The following PIK3C2G variants were observed in gnomAD, a reference collection of about 807,000 sequenced individuals.
The protein encoded by PIK3C2G is phosphatidylinositol 3-kinase C2 domain-containing subunit gamma.
Under a neutral mutation model 181.1 loss-of-function variants are expected in PIK3C2G, and 168 were observed. The observed-to-expected ratio is 0.93, with a 90% CI of 0.82 to 1.05. The LOEUF (loss-of-function observed/expected upper bound fraction) is 1.05. Ranked by LOEUF, PIK3C2G falls within the 50% of genes least tolerant of loss-of-function variation. PIK3C2G has a pLI of 0.00. For missense variants in PIK3C2G, 1,869 were observed against 1,732.8 expected (o/e 1.08, Z -1.40); for synonymous variants, 573 against 592.2 (o/e 0.97, Z 0.47).
At chr12:18,503,590 G>C (rs781172965) in intron 23 of PIK3C2G, among the ~76,000 whole-genome samples, 173 bp downstream of exon 23, 74 of 152,070 alleles carry the variant, frequency 4.9e-4, no homozygotes, top group Non-Finnish European at 5.1e-4. Flanking sequence ...CTACATAAAA[G>C]TTTCTGCATT....
intron 29 of PIK3C2G, among the ~76,000 whole-genome samples, chr12:18,567,938 T>C (rs1056332082): frequency 2.6e-5 from 4 of 152,224 alleles, no homozygotes; most frequent in African/African-American, 7.2e-5. Context: ...AGAGGCTGCT[T>C]GTGTTCCTTG....
intron 11 of PIK3C2G, among the ~76,000 whole-genome samples, chr12:18,358,073 C>T (rs1406497343): frequency 6.6e-6 from 1 of 152,194 alleles, no homozygotes; most frequent in Non-Finnish European, 1.5e-5. Flanking sequence ...GTTCAGATAG[C>T]TCTTCAAGAT....
At chr12:18,334,793 C>T (rs1389971739) in intron 8 of PIK3C2G, among the ~76,000 whole-genome samples, 1 of 152,048 alleles carries the variant, frequency 6.6e-6, no homozygotes, top group Admixed American at 6.6e-5. Flanking sequence ...AATCAGCCAT[C>T]ATAGGGTTTG....
chr12:18,379,276 A>G (rs543853095), intron 13 of PIK3C2G, among the ~76,000 whole-genome samples: 17 of 149,538 alleles, frequency 1.1e-4, no homozygotes, highest in Non-Finnish European at 2.2e-4. Context: ...AAAAAACCAA[A>G]CACCACATGT....
At chr12:18,442,116 T>C (rs11044116) in intron 18 of PIK3C2G, among the ~76,000 whole-genome samples, 38,788 of 152,032 alleles carry the variant, frequency 0.26, 5,422 homozygotes, top group Admixed American at 0.36. Flanking sequence ...TATAGGAATA[T>C]GCAATTAGAA....
In PIK3C2G at chr12:18,362,005, A is replaced by T. The variant is rs144348420; in HGVS notation, c.1626-759A>T. Among the ~76,000 whole-genome samples the T allele has an allele frequency of 3.0e-3, 455 of 152,092 alleles. 2 individuals are homozygous for T. The highest frequency in any genetic ancestry group is 9.9e-3 in the African/African-American group (412 of 41,494). ...TTTTTGTTCTCAACAGTCTCCAGGCATCTAGGGTATGCAGGGTCCTGTCAG... is the reference window on the plus strand; with the variant it reads ...TTTTTGTTCTCAACAGTCTCCAGGCTTCTAGGGTATGCAGGGTCCTGTCAG... On this transcript the variant is annotated intron_variant, in intron 11 of 32. Coordinates refer to ENST00000538779, the MANE Select transcript of PIK3C2G (RefSeq NM_001288772.2).
At chr12:18,428,438 C>T (rs1385352846) in intron 18 of PIK3C2G, among the ~76,000 whole-genome samples, 4 of 151,678 alleles carry the variant, frequency 2.6e-5, no homozygotes, top group Admixed American at 2.0e-4. Flanking sequence ...CAAAACTGAA[C>T]TAAATATCCT....
the PIK3C2G span, among the ~76,000 whole-genome samples, chr12:18,686,450 C>T: frequency 6.6e-6 from 1 of 152,040 alleles, no homozygotes; most frequent in Non-Finnish European, 1.5e-5. Flanking sequence ...TTCCACCCAT[C>T]TTGAGTTTCT....
intron 15 of PIK3C2G, among the ~76,000 whole-genome samples, chr12:18,397,910 T>A (rs1474361968): frequency 6.6e-6 from 1 of 152,078 alleles, no homozygotes; most frequent in Non-Finnish European, 1.5e-5. Context: ...AATTATGGCA[T>A]AGTTATACAA....
intron 16 of PIK3C2G, among the ~76,000 whole-genome samples, chr12:18,410,237 C>T (rs145217343): frequency 1.4e-4 from 21 of 152,278 alleles, no homozygotes; most frequent in Admixed American, 7.2e-4. Context: ...TAGTGGCTCA[C>T]GCCTATAATC....
At chr12:18,587,199 G>A (rs185136088) in intron 29 of PIK3C2G, among the ~76,000 whole-genome samples, 11 of 152,044 alleles carry the variant, frequency 7.2e-5, no homozygotes, top group Admixed American at 3.3e-4. Context: ...ATTGGAAGTC[G>A]TGGCCAGAGC....
chr12:18,514,499 T>G (rs1404813213), intron 24 of PIK3C2G, among the ~76,000 whole-genome samples: 1 of 151,940 alleles, frequency 6.6e-6, no homozygotes, highest in Non-Finnish European at 1.5e-5. Context: ...TACTTTTTTG[T>G]GACCATTGTA....
At chr12:18,455,156 A>G (rs1565741445) in intron 18 of PIK3C2G, among the ~76,000 whole-genome samples, 1 of 152,240 alleles carries the variant, frequency 6.6e-6, no homozygotes, top group Non-Finnish European at 1.5e-5. Context: ...CCAAAGTCAG[A>G]GCCTTTTACA....
chr12:18,250,386 T>A (rs181497086), intron 1 of PIK3C2G, among the ~76,000 whole-genome samples: 1 of 152,074 alleles, frequency 6.6e-6, no homozygotes. Flanking sequence ...GGAAAAAACA[T>A]ATTTGATTGA....
At chr12:18,637,899 A>G (rs2136776642) in intron 31 of PIK3C2G, among the ~76,000 whole-genome samples, 1 of 152,334 alleles carries the variant, frequency 6.6e-6, no homozygotes. Flanking sequence ...CCAACCCAGC[A>G]CACTGTTAGA....
At chr12:18,630,683 A>G (rs1003788217) in intron 31 of PIK3C2G, among the ~76,000 whole-genome samples, 1 of 143,886 alleles carries the variant, frequency 6.9e-6, no homozygotes, top group Non-Finnish European at 1.5e-5. Flanking sequence ...AAAACACTGA[A>G]AAATTATGTT....
chr12:18,259,895 G>C (rs1948191993), upstream of PIK3C2G, among the ~76,000 whole-genome samples: 1 of 152,056 alleles, frequency 6.6e-6, no homozygotes, highest in South Asian at 2.1e-4. Flanking sequence ...ATAGGACATA[G>C]CCATGAAAAA....
chr12:18,616,741 A>T (rs767747747), intron 31 of PIK3C2G, among the ~76,000 whole-genome samples: 1 of 152,200 alleles, frequency 6.6e-6, no homozygotes, highest in South Asian at 2.1e-4. Context: ...CTAACCTACA[A>T]AAGAAGCAAT....
chr12:18,705,020 A>C, the PIK3C2G span: 1 of 919,232 alleles, frequency 1.1e-6, no homozygotes, highest in African/African-American at 1.7e-5. Context: ...AACATTCCCT[A>C]GGCAACATTG....
Sources: gnomAD v4.1 joint callset for allele counts (sites outside exome capture counted in the v4.1 genomes callset) on GRCh38, gnomAD v4.1.1 for gene constraint, MANE v1.5 for transcripts, NCBI Gene and HGNC (gene_info 2026-07-23, HGNC 2026-07-21) for gene names.